NCOR1: variants seen among roughly 807,000 people sequenced by gnomAD.
The protein encoded by NCOR1 is nuclear receptor corepressor 1, also known as protein phosphatase 1, regulatory subunit 109.
A neutral mutation model predicts 288.1 loss-of-function variants in NCOR1; 63 were observed. The ratio of observed to expected loss-of-function variants is 0.22; its 90% CI spans 0.18 to 0.27. NCOR1 has a LOEUF of 0.27. NCOR1 is among the 10% of genes least tolerant of loss of function. The pLI, the probability that NCOR1 is intolerant of heterozygous loss-of-function variation, is 1.00. For missense variants in NCOR1, 2,397 were observed against 3,019.2 expected, an observed-to-expected ratio of 0.79 and a Z score of 4.83; for synonymous variants, 1,007 against 1,065.9, an observed-to-expected ratio of 0.94 and a Z score of 1.08.
intron 13 of NCOR1, 101 bp from the exon 14 acceptor site, chr17:16,137,513 A>C: frequency 1.6e-6 from 1 of 620,034 alleles, no homozygotes; most frequent in South Asian, 2.8e-5. Context: ...TCTGAAAGTA[A>C]AATTAAAGAA....
rs184839635 is a variant in NCOR1, at chr17:16,162,002, A to C, written c.618+2977T>G. ...AAATAAAAGACAAAAGAAAGAAAAG[A>C]AAAGAGACTCAGCGAAATCAAACCA... On this transcript the variant is annotated intron_variant, in intron 5 of 45. Coordinates refer to ENST00000268712, the MANE Select transcript of NCOR1 (RefSeq NM_006311.4). Among the ~76,000 whole-genome samples the C allele has an allele frequency of 5.3e-5, 8 of 152,310 alleles. No homozygotes were observed. The East Asian group carries it at 1.5e-3, about 29-fold the overall frequency.
At chr17:16,132,730 T>C (rs529281191) in intron 14 of NCOR1, among the ~76,000 whole-genome samples, 4 of 151,822 alleles carry the variant, frequency 2.6e-5, no homozygotes, top group Admixed American at 6.6e-5. Context: ...AGCTTCCCTA[T>C]AGCAACAGGT....
At chr17:16,159,079 T>TA (rs2080291657) in intron 5 of NCOR1, among the ~76,000 whole-genome samples, 1 of 92,778 alleles carries the variant, frequency 1.1e-5, no homozygotes, top group East Asian at 2.1e-4. Flanking sequence ...TTTCATTAGA[T>TA]AGAGTTTAAA....
At chr17:16,208,586 C>T (rs375809282) in intron 1 of NCOR1, among the ~76,000 whole-genome samples, 4 of 151,674 alleles carry the variant, frequency 2.6e-5, no homozygotes, top group Admixed American at 6.6e-5. Flanking sequence ...CTCAGTGGCC[C>T]GCACCTATAA....
chr17:16,184,138 C>T (rs779417165), intron 3 of NCOR1, among the ~76,000 whole-genome samples: 17 of 152,090 alleles, frequency 1.1e-4, no homozygotes, highest in Admixed American at 2.6e-4. Context: ...TGCAAGAGAA[C>T]GTAGGGAGAA....
At chr17:16,156,229 A>T (rs1479017859) in intron 6 of NCOR1, among the ~76,000 whole-genome samples, 1 of 152,180 alleles carries the variant, frequency 6.6e-6, no homozygotes, top group Non-Finnish European at 1.5e-5. Context: ...TGAGCCCAGG[A>T]GTTCAAGACC....
At chr17:16,064,771 C>A in intron 34 of NCOR1, 99 bp downstream of exon 34, 1 of 1,221,394 alleles carries the variant, frequency 8.2e-7, no homozygotes, top group Non-Finnish European at 1.1e-6. Flanking sequence ...AACAAGAAAC[C>A]AAATGAGGAA....
chr17:16,205,643 GAA>G (rs35190516), intron 1 of NCOR1, among the ~76,000 whole-genome samples: 3 of 132,566 alleles, frequency 2.3e-5, no homozygotes, highest in African/African-American at 8.1e-5. Flanking sequence ...AAGAAAAGAA[GAA>G]AAAAAAAAAA....
At chr17:16,173,515 A>T (rs2083494892) in intron 3 of NCOR1, among the ~76,000 whole-genome samples, 1 of 152,214 alleles carries the variant, frequency 6.6e-6, no homozygotes, top group African/African-American at 2.4e-5. Flanking sequence ...GAATTGGCAA[A>T]AAAAAAACTA....
chr17:16,089,010 T>C (rs140596002), intron 22 of NCOR1, among the ~76,000 whole-genome samples: 123 of 152,204 alleles, frequency 8.1e-4, no homozygotes, highest in African/African-American at 2.8e-3. Flanking sequence ...GAAAATCACT[T>C]TCCTAGATAA....
intron 17 of NCOR1, among the ~76,000 whole-genome samples, chr17:16,118,970 A>T (rs2072382669): frequency 6.6e-6 from 1 of 152,228 alleles, no homozygotes; most frequent in Non-Finnish European, 1.5e-5. Context: ...TGAATCACAG[A>T]GCAATCTGCT....
In NCOR1 at chr17:16,157,381, G is replaced by A. The variant is rs377420264; in HGVS notation, c.732+1379C>T. 1.8e-4 allele frequency among the ~76,000 whole-genome samples: 27 copies of A among 152,082 alleles called. No individual in the cohort carries two copies. In the East Asian group the frequency reaches 4.4e-3, roughly 25 times the overall value. ...CCTGCCCATAACACTTACCATTACC[G>A]TAAGTATATTTCTGATGACTCTCAG... On this transcript the variant is annotated intron_variant, in intron 6 of 45. Coordinates refer to ENST00000268712, the MANE Select transcript of NCOR1 (RefSeq NM_006311.4).
At chr17:16,091,109 T>C (rs1360709705) in intron 22 of NCOR1, among the ~76,000 whole-genome samples, 1 of 152,106 alleles carries the variant, frequency 6.6e-6, no homozygotes, top group Non-Finnish European at 1.5e-5. Flanking sequence ...ACACACCAAC[T>C]AAAACAGCAA....
intron 18 of NCOR1, among the ~76,000 whole-genome samples, chr17:16,109,344 A>AAT (rs560743200): frequency 6.8e-4 from 104 of 152,198 alleles, no homozygotes; most frequent in African/African-American, 2.3e-3. Flanking sequence ...AGAGATCCTA[A>AAT]ATATACCGGT....
rs764320493 is a variant in NCOR1 at position 16,172,005 on chromosome 17, A to G, written c.243-10T>C. ...TCTCCTTTCTTGAGGCCTAATACAT[A>G]CAAAGAAAATAAACACTTGAAAATT... is the stretch of plus-strand genomic sequence containing the variant. On this transcript the variant is annotated splice_polypyrimidine_tract_variant and intron_variant, in intron 3 of 45. Transcript: ENST00000268712. 3.9e-6 allele frequency: 6 copies of G among 1,522,202 alleles called. No individual in the cohort carries two copies. Among genetic ancestry groups the G allele is most frequent in the Non-Finnish European group, 3.5e-6 (4 of 1,133,776 alleles). The allele number at this position is 1,522,202 out of a possible 1,614,324, so 94.3% of individuals were successfully genotyped here. A position where few individuals can be genotyped will look rare whatever the true frequency, so the allele number is the denominator to read the frequency against.
At chr17:16,129,954 T>C (rs2075345576) in intron 14 of NCOR1, among the ~76,000 whole-genome samples, 2 of 152,190 alleles carry the variant, frequency 1.3e-5, no homozygotes, top group African/African-American at 2.4e-5. Flanking sequence ...TTCACTCCCC[T>C]TTCCCTGGTG....
intron 6 of NCOR1, among the ~76,000 whole-genome samples, chr17:16,156,918 C>T (rs1363322497): frequency 2.0e-5 from 3 of 151,880 alleles, no homozygotes; most frequent in Non-Finnish European, 4.4e-5. Flanking sequence ...TTAATAAATC[C>T]ATTAATAATT....
Position 16,114,161 on chromosome 17 carries a change from A to AAAAAC in NCOR1, c.2055+3726_2055+3727insGTTTT, listed in dbSNP as rs1256637297. ...CGGCAGGCAAAAAAAAAAAAAAAAA[A>AAAAAC]AAAAAAAACTTGTGCAGGGGAACTC... On this transcript the variant is annotated intron_variant, in intron 18 of 45. Transcript: ENST00000268712. Among the ~76,000 whole-genome samples the AAAAAC allele has an allele frequency of 9.1e-5, 6 of 65,648 alleles. 1 individual carries two copies. Among genetic ancestry groups the AAAAAC allele is most frequent in the South Asian group, 8.2e-4 (2 of 2,430 alleles). The allele number at this position is 65,648 out of a possible 152,430, so 43.1% of individuals were successfully genotyped here. A position where few individuals can be genotyped will look rare whatever the true frequency, so the allele number is the denominator to read the frequency against.
intron 26 of NCOR1, among the ~76,000 whole-genome samples, chr17:16,079,499 T>C (rs73280221): frequency 0.031 from 4,727 of 152,330 alleles, 249 homozygotes; most frequent in African/African-American, 0.11. Flanking sequence ...TAGCCCAAAA[T>C]TGGAAGGCTT....
Sources: allele counts gnomAD v4.1 joint callset (sites outside exome capture counted in the v4.1 genomes callset), GRCh38; gene constraint gnomAD v4.1.1; transcripts MANE v1.5; gene names NCBI Gene and HGNC (gene_info 2026-07-23, HGNC 2026-07-21).